Variants in BBOF1 observed in about 807,000 individuals in gnomAD.
The protein encoded by BBOF1 is basal body orientation factor 1.
In BBOF1, 62 loss-of-function variants were observed where a neutral mutation model predicts 68.0. The observed-to-expected ratio is 0.91, with a 90% CI of 0.74 to 1.13. The LOEUF (loss-of-function observed/expected upper bound fraction) is 1.13. Among genes scored for constraint, BBOF1 ranks in the 50% most tolerant of loss-of-function variants. The probability of loss-of-function intolerance (pLI) is 0.00; values close to 1 mark genes in which losing one functional copy is unlikely to be tolerated. For synonymous variants in BBOF1, 208 were observed against 198.8 expected (o/e 1.05, Z -0.39); for missense variants, 534 against 600.1 (o/e 0.89, Z 1.15).
intron 8 of BBOF1, among the ~76,000 whole-genome samples, chr14:74,052,431 G>A (rs1447479732): frequency 6.6e-6 from 1 of 151,618 alleles, no homozygotes; most frequent in Non-Finnish European, 1.5e-5. Context: ...TGGATCAAGA[G>A]GTCAGGAGTT....
chr14:74,071,500 G>A, intron 9 of BBOF1: 1 of 1,613,698 alleles, frequency 6.2e-7, no homozygotes, highest in Non-Finnish European at 8.5e-7. Flanking sequence ...AACCACCTCT[G>A]GAACACAGAA....
intron 5 of BBOF1, among the ~76,000 whole-genome samples, chr14:74,043,386 T>C (rs2139544304): frequency 6.7e-6 from 1 of 149,044 alleles, no homozygotes; most frequent in East Asian, 2.0e-4. Context: ...CCGTCTCTAC[T>C]AAAAATACAA....
At chr14:74,033,819 T>A (rs1384175262) in intron 3 of BBOF1, among the ~76,000 whole-genome samples, 1 of 151,660 alleles carries the variant, frequency 6.6e-6, no homozygotes, top group Admixed American at 6.6e-5. Context: ...TGAGCCAAGA[T>A]CGCGCCATCG....
At chr14:74,071,722 A>C (rs1266127449) in intron 9 of BBOF1, 2 of 1,459,506 alleles carry the variant, frequency 1.4e-6, no homozygotes, top group African/African-American at 2.8e-5. Flanking sequence ...AGTAAAGAGT[A>C]AAGTAAATCA....
intron 2 of BBOF1, among the ~76,000 whole-genome samples, chr14:74,026,620 A>G (rs2059434486): frequency 6.6e-6 from 1 of 151,720 alleles, no homozygotes; most frequent in Non-Finnish European, 1.5e-5. Flanking sequence ...TTTTGCACCA[A>G]CCTAATAAAT....
rs554629106 is a variant in BBOF1 at position 74,065,149 on chromosome 14, A to G, written c.*450A>G. 4 of 1,611,070 alleles carry G rather than the reference A, an allele frequency of 2.5e-6. No homozygotes were observed. The highest frequency in any genetic ancestry group is 2.2e-5 in the East Asian group (1 of 44,862). ...TCCTCTTAGGAAATAGTAAATGGAT[A>G]TAAGAATCTCTTAAAAATTCTGTTC... On this transcript the variant is annotated 3_prime_UTR_variant, in exon 12 of 12. Coordinates refer to ENST00000394009, the MANE Select transcript of BBOF1 (RefSeq NM_025057.3).
At position 74,049,874 on chromosome 14, in the gene BBOF1, A is replaced by G. The variant is rs141848407; in HGVS notation, c.965A>G (p.Gln322Arg). Residue 322 changes from glutamine (Q) to arginine (R), a missense_variant, in exon 8 of 12, where the codon CAA becomes CGA. By Grantham distance (43) the Gln-to-Arg change is conservative. Coordinates refer to ENST00000394009, the MANE Select transcript of BBOF1 (RefSeq NM_025057.3). ...KLQQHAMIEN[Q>R]AGQVEIDKLQ... is the part of the protein sequence containing the mutation. ...CAGCAACACGCAATGATAGAGAACC[A>G]AGCAGGTCAGGTAGAAATTGACAAG... The G allele has an allele frequency of 8.1e-6, 13 of 1,614,180 alleles. No homozygotes were observed. Among genetic ancestry groups the G allele is most frequent in the Non-Finnish European group, 1.0e-5 (12 of 1,180,024 alleles).
chr14:74,082,549 G>C (rs1220986756), intron 12 of BBOF1, among the ~76,000 whole-genome samples: 3 of 151,728 alleles, frequency 2.0e-5, no homozygotes, highest in Non-Finnish European at 4.4e-5. Flanking sequence ...ACAGTCGCCC[G>C]CCACCACACC....
chr14:74,057,241 C>G lies in BBOF1; in HGVS notation c.1561C>G (p.Pro521Ala). 1 of 1,614,084 alleles carries G rather than the reference C, an allele frequency of 6.2e-7. No homozygotes were observed. Among genetic ancestry groups the G allele is most frequent in the South Asian group, 1.1e-5 (1 of 91,068 alleles). ...GGTGCTACCCACTATTCCAAAAGAA[C>G]CTCAGGAGTCTGACACAGTAAGGAG... is the stretch of plus-strand genomic sequence containing the variant. The part of the protein sequence containing the change: ...EVVLPTIPKE[P>A]QESDTGTF The change falls in exon 11 of 12, where the codon CCT (proline) becomes GCT (alanine). Residue 521 changes from proline to alanine, a missense_variant. Physicochemically the swap from Pro to Ala is conservative, Grantham distance 27 (BLOSUM62 -1). Coordinates refer to ENST00000394009, the MANE Select transcript of BBOF1 (RefSeq NM_025057.3).
intron 4 of BBOF1, among the ~76,000 whole-genome samples, chr14:74,039,830 C>A (rs116330091): frequency 0.013 from 2,030 of 152,110 alleles, 45 homozygotes; most frequent in African/African-American, 0.045. Context: ...TGCCTACTTA[C>A]CTTTTGAAAG....
At chr14:74,050,925 A>G (rs2060053309) in intron 8 of BBOF1, among the ~76,000 whole-genome samples, 1 of 152,126 alleles carries the variant, frequency 6.6e-6, no homozygotes, top group East Asian at 1.9e-4. Context: ...CCTGGCCAAC[A>G]TGGTGAAACC....
rs576244289 is a variant in BBOF1 at position 74,046,543 on chromosome 14, T to C, written c.647+413T>C. ...ACCCACCACCACACCTGGCTAATTG[T>C]TGTATTTTTAGTAGAGACAGGGTTT... is the stretch of plus-strand genomic sequence containing the variant. On this transcript the variant is annotated intron_variant, in intron 6 of 11. Coordinates refer to ENST00000394009, the MANE Select transcript of BBOF1 (RefSeq NM_025057.3). 7.9e-5 allele frequency among the ~76,000 whole-genome samples: 12 copies of C among 152,138 alleles called. No homozygotes were observed. The South Asian group carries it at 2.5e-3, about 32-fold the overall frequency.
At chr14:74,063,311 C>T (rs1013702786) in intron 11 of BBOF1, among the ~76,000 whole-genome samples, 14 of 151,860 alleles carry the variant, frequency 9.2e-5, no homozygotes, top group East Asian at 5.9e-4. Flanking sequence ...CTCAGCCTCC[C>T]GAGTAGCTGG....
intron 4 of BBOF1, among the ~76,000 whole-genome samples, 176 bp downstream of exon 4, chr14:74,034,347 C>T (rs1595036382): frequency 6.6e-6 from 1 of 152,166 alleles, no homozygotes; most frequent in Non-Finnish European, 1.5e-5. Flanking sequence ...TGACTTTAGA[C>T]TTCTCTTTTT....
chr14:74,054,330 G>A (rs1304899353), intron 8 of BBOF1, among the ~76,000 whole-genome samples: 1 of 149,520 alleles, frequency 6.7e-6, no homozygotes, highest in East Asian at 2.0e-4. Flanking sequence ...TTTTTTTCTT[G>A]TTCCCTTTGT....
chr14:74,044,677 G>A (rs1595062200), intron 5 of BBOF1, among the ~76,000 whole-genome samples: 1 of 152,032 alleles, frequency 6.6e-6, no homozygotes, highest in African/African-American at 2.4e-5. Context: ...TGTAATCCCA[G>A]CACTTTGGGA....
At chr14:74,042,094 C>A (rs1037214384) in intron 5 of BBOF1, among the ~76,000 whole-genome samples, 1 of 152,178 alleles carries the variant, frequency 6.6e-6, no homozygotes. Flanking sequence ...TTGCTGGTCT[C>A]GAACTCCTGG....
rs1355076402 is a variant in BBOF1, at chr14:74,062,048, T to TG, written c.1579-2637dup. Among the ~76,000 whole-genome samples, 414 of 67,614 alleles carry TG rather than the reference T, an allele frequency of 6.1e-3. 20 individuals carry two copies. Among genetic ancestry groups the TG allele is most frequent in the East Asian group, 0.011 (22 of 2,042 alleles). The allele number at this position is 67,614 out of a possible 152,430, so 44.4% of individuals were successfully genotyped here. A position where few individuals can be genotyped will look rare whatever the true frequency, so the allele number is the denominator to read the frequency against. ...CAACATGGCGAAACCTCGTCTCTAC[T>TG]GGGAAAAAAAAAAAAAAAAAAAAAA... On this transcript the variant is annotated intron_variant, in intron 11 of 11. Transcript: ENST00000394009.
chr14:74,072,095 G>A (rs1019390432), intron 9 of BBOF1: 27 of 1,561,436 alleles, frequency 1.7e-5, no homozygotes, highest in Admixed American at 1.0e-4. Flanking sequence ...CATGATCAAC[G>A]TCTCTGCATA....
Sources: allele counts gnomAD v4.1 joint callset (sites outside exome capture counted in the v4.1 genomes callset), GRCh38; gene constraint gnomAD v4.1.1; transcripts MANE v1.5; gene names NCBI Gene and HGNC (gene_info 2026-07-23, HGNC 2026-07-21).